The following CAMK4 variants were observed in gnomAD, a reference collection of about 807,000 sequenced individuals.
CAMK4 encodes the protein calcium/calmodulin dependent protein kinase IV, also known as calcium/calmodulin-dependent protein kinase type IV.
In CAMK4, 22 loss-of-function variants were observed where a neutral mutation model predicts 44.9. The ratio of observed to expected loss-of-function variants is 0.49; its 90% CI spans 0.35 to 0.70. The LOEUF is 0.70. Ranked by LOEUF, CAMK4 falls within the 30% of genes least tolerant of loss-of-function variation. The pLI is 0.01. For synonymous variants in CAMK4, 218 were observed against 215.4 expected (o/e 1.01, Z -0.11); for missense variants, 498 against 586.8 (o/e 0.85, Z 1.56).
At chr5:111,244,453 T>C (rs1018752204) in intron 1 of CAMK4, among the ~76,000 whole-genome samples, 2 of 152,244 alleles carry the variant, frequency 1.3e-5, no homozygotes, top group African/African-American at 4.8e-5. Context: ...GTTTGCATTG[T>C]CTTCTGGTCT....
intron 5 of CAMK4, among the ~76,000 whole-genome samples, chr5:111,406,561 T>G (rs1465113528): frequency 1.3e-5 from 2 of 151,948 alleles, no homozygotes; most frequent in Admixed American, 1.3e-4. Flanking sequence ...TTCCTTTGCT[T>G]TATTTGAGAA....
intron 5 of CAMK4, among the ~76,000 whole-genome samples, chr5:111,407,081 C>T (rs539599247): frequency 2.0e-5 from 3 of 152,086 alleles, no homozygotes; most frequent in South Asian, 2.1e-4. Flanking sequence ...AGGCCGGGTG[C>T]GATGGCTCAT....
At chr5:111,414,888 C>T (rs1225968881) in intron 5 of CAMK4, among the ~76,000 whole-genome samples, 1 of 152,036 alleles carries the variant, frequency 6.6e-6, no homozygotes, top group African/African-American at 2.4e-5. Flanking sequence ...TACCATATCC[C>T]CTAGGTTCAA....
At chr5:111,367,851 A>G (rs550014077) in intron 2 of CAMK4, among the ~76,000 whole-genome samples, 8 of 152,128 alleles carry the variant, frequency 5.3e-5, no homozygotes, top group African/African-American at 1.9e-4. Flanking sequence ...GCCTGGTACA[A>G]TGTCTCTGGA....
intron 2 of CAMK4, among the ~76,000 whole-genome samples, chr5:111,367,481 C>G (rs1395835486): frequency 1.3e-5 from 2 of 152,046 alleles, no homozygotes; most frequent in African/African-American, 4.8e-5. Context: ...GATAAAAACT[C>G]TAGAATGCAC....
At chr5:111,418,197 G>A (rs1328609672) in intron 5 of CAMK4, among the ~76,000 whole-genome samples, 1 of 152,186 alleles carries the variant, frequency 6.6e-6, no homozygotes, top group African/African-American at 2.4e-5. Context: ...GACATCACAT[G>A]TCAGTAGGTT....
intron 7 of CAMK4, among the ~76,000 whole-genome samples, chr5:111,468,891 T>G (rs763382352): frequency 1.3e-4 from 20 of 151,138 alleles, no homozygotes; most frequent in South Asian, 4.2e-4. Context: ...GGCAAGAGAA[T>G]CGCTTGAACC....
At chr5:111,278,250 C>G (rs1156334312) in intron 1 of CAMK4, among the ~76,000 whole-genome samples, 1 of 152,164 alleles carries the variant, frequency 6.6e-6, no homozygotes, top group Non-Finnish European at 1.5e-5. Flanking sequence ...CACTGCATAG[C>G]CCTGGACACG....
At chr5:111,314,990 G>T (rs1246753629) in intron 1 of CAMK4, among the ~76,000 whole-genome samples, 1 of 152,078 alleles carries the variant, frequency 6.6e-6, no homozygotes, top group Non-Finnish European at 1.5e-5. Flanking sequence ...AAAATGACAT[G>T]ATTAAATAGA....
At chr5:111,258,954 C>G (rs937238528) in intron 1 of CAMK4, among the ~76,000 whole-genome samples, 1 of 152,118 alleles carries the variant, frequency 6.6e-6, no homozygotes, top group Non-Finnish European at 1.5e-5. Context: ...TAAATCTCAA[C>G]ATACGGTATG....
At chr5:111,443,768 T>C (rs1466971589) in intron 5 of CAMK4, among the ~76,000 whole-genome samples, 2 of 152,174 alleles carry the variant, frequency 1.3e-5, no homozygotes, top group Non-Finnish European at 2.9e-5. Flanking sequence ...TGTTCCTATG[T>C]TTAGCGTCAT....
chr5:111,285,911 A>G (rs535784467), intron 1 of CAMK4, among the ~76,000 whole-genome samples: 10 of 152,296 alleles, frequency 6.6e-5, no homozygotes, highest in African/African-American at 2.4e-4. Context: ...AATGAGTTTC[A>G]GCACTCTGGT....
Position 111,489,248 on chromosome 5 carries a change from TAAG to T in CAMK4, c.*4785_*4787del, listed in dbSNP as rs1052035704. 6.6e-6 allele frequency: 1 copy of T among 151,840 alleles called. No homozygotes were observed. Among genetic ancestry groups the T allele is most frequent in the African/African-American group, 2.4e-5 (1 of 41,336 alleles). The allele number at this position is 151,840 out of a possible 1,614,324, so 9.4% of individuals were successfully genotyped here. ...GGTGAATTTTTGTCTCCTTGGCAAATAAGAAAAAAAAGGAGAGAGACCACTGGA... is the reference window on the plus strand; with the variant it reads ...GGTGAATTTTTGTCTCCTTGGCAAATAAAAAAAAGGAGAGAGACCACTGGA... On this transcript the variant is annotated 3_prime_UTR_variant, in exon 11 of 11. Transcript: ENST00000282356.
At chr5:111,403,098 T>C (rs1046386920) in intron 5 of CAMK4, among the ~76,000 whole-genome samples, 6 of 152,208 alleles carry the variant, frequency 3.9e-5, no homozygotes, top group Non-Finnish European at 7.3e-5. Flanking sequence ...AGAGCATACT[T>C]CTAAATAAAA....
At chr5:111,382,235 C>T (rs1015712774) in intron 4 of CAMK4, among the ~76,000 whole-genome samples, 2 of 152,092 alleles carry the variant, frequency 1.3e-5, no homozygotes, top group Non-Finnish European at 2.9e-5. Context: ...ACCTCACCTC[C>T]AGTCCTACTA....
chr5:111,234,434 T>G (rs1040928235), intron 1 of CAMK4, among the ~76,000 whole-genome samples: 5 of 152,186 alleles, frequency 3.3e-5, no homozygotes, highest in Non-Finnish European at 5.9e-5. Flanking sequence ...AGGGTGAACT[T>G]AACTTTGGCT....
chr5:111,231,969 G>A (rs547613335), intron 1 of CAMK4, among the ~76,000 whole-genome samples: 2 of 152,304 alleles, frequency 1.3e-5, no homozygotes, highest in South Asian at 2.1e-4. Context: ...ACAAATTGAA[G>A]TTTTCTTCTT....
chr5:111,327,065 T>A (rs996535591), intron 1 of CAMK4, among the ~76,000 whole-genome samples: 22 of 151,944 alleles, frequency 1.4e-4, no homozygotes, highest in African/African-American at 4.6e-4. Flanking sequence ...TGTGCAGGTT[T>A]GTTACATATG....
intron 7 of CAMK4, among the ~76,000 whole-genome samples, chr5:111,470,562 G>A (rs796895701): frequency 6.6e-5 from 10 of 152,336 alleles, no homozygotes; most frequent in African/African-American, 2.4e-4. Flanking sequence ...AGAGACTTTT[G>A]TAAGTGATAA....
Sources: allele counts gnomAD v4.1 joint callset (sites outside exome capture counted in the v4.1 genomes callset), GRCh38; gene constraint gnomAD v4.1.1; transcripts MANE v1.5; gene names NCBI Gene and HGNC (gene_info 2026-07-23, HGNC 2026-07-21).